The following LIMS1 variants were observed in gnomAD, a reference collection of about 807,000 sequenced individuals.
LIMS1 encodes the protein LIM and senescent cell antigen-like-containing domain protein 1.
Under a neutral mutation model 44.1 loss-of-function variants are expected in LIMS1, and 18 were observed. The ratio of observed to expected loss-of-function variants is 0.41; its 90% confidence interval spans 0.28 to 0.61. The LOEUF (loss-of-function observed/expected upper bound fraction) is 0.61. Among genes scored for constraint, LIMS1 ranks in the 20% least tolerant of loss-of-function variants. LIMS1 has a pLI of 0.32. For synonymous variants in LIMS1, 93 were observed against 149.1 expected, an observed-to-expected ratio of 0.62 and a Z score of 2.74; for missense variants, 201 against 422.0, an observed-to-expected ratio of 0.48 and a Z score of 4.59.
At chr2:108,572,607 A>G (rs1277043351) in intron 1 of LIMS1, among the ~76,000 whole-genome samples, 1 of 151,958 alleles carries the variant, frequency 6.6e-6, no homozygotes, top group Non-Finnish European at 1.5e-5. Flanking sequence ...GTGGGTCTCG[A>G]ACTCCTGACC....
At chr2:108,559,141 A>C (rs1272882143) in intron 1 of LIMS1, among the ~76,000 whole-genome samples, 1 of 152,168 alleles carries the variant, frequency 6.6e-6, no homozygotes, top group Non-Finnish European at 1.5e-5. Flanking sequence ...TAATTTATAT[A>C]CCCTTAGACA....
intron 1 of LIMS1, among the ~76,000 whole-genome samples, chr2:108,563,192 A>C (rs1376279818): frequency 6.6e-6 from 1 of 152,238 alleles, no homozygotes; most frequent in Non-Finnish European, 1.5e-5. Flanking sequence ...TAAGGAGATT[A>C]ATGTTATTTC....
chr2:108,536,660 A>G (rs746097844), intron 1 of LIMS1, among the ~76,000 whole-genome samples: 1 of 152,142 alleles, frequency 6.6e-6, no homozygotes, highest in South Asian at 2.1e-4. Context: ...GACTTACTGC[A>G]CCCTAGACCT....
At chr2:108,637,122 T>TGTGTGTGTGTGTGTGTGTGTG (rs1689326346) in intron 1 of LIMS1, among the ~76,000 whole-genome samples, 1 of 151,350 alleles carries the variant, frequency 6.6e-6, no homozygotes, top group African/African-American at 2.4e-5. Context: ...TGTGTGTGTG[T>TGTGTGTGTGTGTGTGTGTGTG]GTGTGTGTGT....
intron 1 of LIMS1, among the ~76,000 whole-genome samples, chr2:108,643,306 C>G (rs1689832594): frequency 6.6e-6 from 1 of 152,226 alleles, no homozygotes; most frequent in Non-Finnish European, 1.5e-5. Flanking sequence ...CTCAGTTCAT[C>G]TCATTGGGAC....
At chr2:108,638,871 G>A (rs1357617484) in intron 1 of LIMS1, among the ~76,000 whole-genome samples, 14 of 152,102 alleles carry the variant, frequency 9.2e-5, no homozygotes, top group African/African-American at 3.4e-4. Context: ...GTGAAACCCC[G>A]TCTCTACTAA....
intron 1 of LIMS1, among the ~76,000 whole-genome samples, chr2:108,610,219 T>C (rs1000001917): frequency 4.6e-5 from 7 of 151,566 alleles, no homozygotes; most frequent in Non-Finnish European, 8.8e-5. Flanking sequence ...TATTCTTTTT[T>C]ATTTTCTAAA....
At chr2:108,619,967 C>T (rs1688146888) in intron 1 of LIMS1, among the ~76,000 whole-genome samples, 1 of 152,196 alleles carries the variant, frequency 6.6e-6, no homozygotes, top group South Asian at 2.1e-4. Flanking sequence ...TTTTTTAAAA[C>T]GTGTTTCATC....
chr2:108,669,702 G>C (rs1692034668), intron 2 of LIMS1, among the ~76,000 whole-genome samples: 1 of 149,586 alleles, frequency 6.7e-6, no homozygotes, highest in Non-Finnish European at 1.5e-5. Context: ...TGTGAAAAAG[G>C]CTTCTTAGCA....
intron 1 of LIMS1, among the ~76,000 whole-genome samples, chr2:108,535,737 T>TA (rs1055809201): frequency 1.3e-5 from 2 of 152,220 alleles, no homozygotes; most frequent in African/African-American, 4.8e-5. Context: ...GCTTGCTTTT[T>TA]ATCATTGGGA....
intron 1 of LIMS1, among the ~76,000 whole-genome samples, chr2:108,601,602 C>CT (rs1436867839): frequency 6.6e-6 from 1 of 152,220 alleles, no homozygotes; most frequent in African/African-American, 2.4e-5. Context: ...TGTTTCAGGA[C>CT]TTAGTGACCA....
At chr2:108,551,350 AATGTATT>A (rs1490839897) in intron 1 of LIMS1, among the ~76,000 whole-genome samples, 1 of 147,036 alleles carries the variant, frequency 6.8e-6, no homozygotes, top group African/African-American at 2.5e-5. Flanking sequence ...ATAAATATAT[AATGTATT>A]ATGTATTATA....
exon 1 of LIMS1, chr2:108,534,561 A>T: frequency 8.3e-7 from 1 of 1,200,272 alleles, no homozygotes. Context: ...GAAAGCGGAG[A>T]GATGCTGGGC....
chr2:108,534,509 G>C (rs1464247891), exon 1 of LIMS1: 6 of 1,186,232 alleles, frequency 5.1e-6, no homozygotes, highest in Non-Finnish European at 6.3e-6. Flanking sequence ...GACGCGGCTG[G>C]AGCGGCGCCG....
intron 1 of LIMS1, among the ~76,000 whole-genome samples, chr2:108,586,335 G>A (rs796606669): frequency 9.2e-5 from 14 of 152,306 alleles, no homozygotes; most frequent in African/African-American, 3.4e-4. Flanking sequence ...ACTCTTCGGG[G>A]GAAAGAGCCC....
chr2:108,609,744 G>A (rs1026518161), intron 1 of LIMS1, among the ~76,000 whole-genome samples: 1 of 152,184 alleles, frequency 6.6e-6, no homozygotes, highest in Non-Finnish European at 1.5e-5. Context: ...CTGCTGTGCT[G>A]TCGGTGCATC....
chr2:108,642,051 T>C (rs1478976603), intron 1 of LIMS1, among the ~76,000 whole-genome samples: 3 of 152,192 alleles, frequency 2.0e-5, no homozygotes, highest in African/African-American at 7.2e-5. Flanking sequence ...CCCCAACAGT[T>C]CAAATACCCC....
chr2:108,671,426 G>A (rs1692154694), intron 3 of LIMS1, among the ~76,000 whole-genome samples: 1 of 152,158 alleles, frequency 6.6e-6, no homozygotes, highest in African/African-American at 2.4e-5. Context: ...TTCTTTTCCT[G>A]TGTTAACACA....
chr2:108,667,551 A>AATATATATATAT (rs1553469852), intron 2 of LIMS1, among the ~76,000 whole-genome samples: 9 of 130,472 alleles, frequency 6.9e-5, no homozygotes, highest in African/African-American at 2.6e-4. Flanking sequence ...AAAAAAAAAA[A>AATATATATATAT]ATATATATAT....
Sources: allele counts gnomAD v4.1 joint callset (sites outside exome capture counted in the v4.1 genomes callset), GRCh38; gene constraint gnomAD v4.1.1; transcripts MANE v1.5; gene names NCBI Gene and HGNC (gene_info 2026-07-23, HGNC 2026-07-21).